Variants in RNF130 observed in about 807,000 individuals in gnomAD.
RNF130 encodes E3 ubiquitin-protein ligase RNF130.
In RNF130, 21 loss-of-function variants were observed where a neutral mutation model predicts 44.6. The ratio of observed to expected loss-of-function variants is 0.47; its 90% confidence interval spans 0.33 to 0.68. The LOEUF (loss-of-function observed/expected upper bound fraction) is 0.68. Ranked by LOEUF, RNF130 falls within the 30% of genes least tolerant of loss-of-function variation. The pLI, the probability that RNF130 is intolerant of heterozygous loss-of-function variation, is 0.02. For synonymous variants in RNF130, 214 were observed against 210.4 expected (o/e 1.02, Z -0.15); for missense variants, 479 against 560.6 (o/e 0.85, Z 1.47).
chr5:180,044,630 G>A (rs932485670), intron 1 of RNF130, among the ~76,000 whole-genome samples: 1 of 152,082 alleles, frequency 6.6e-6, no homozygotes, highest in African/African-American at 2.4e-5. Context: ...TCATGAGTTC[G>A]AGACCAGCCT....
chr5:180,061,518 G>C (rs931818010), intron 1 of RNF130, among the ~76,000 whole-genome samples: 2 of 152,180 alleles, frequency 1.3e-5, no homozygotes, highest in African/African-American at 2.4e-5. Context: ...ATTCCTACTG[G>C]AGGCTCAAGG....
At chr5:179,998,892 A>ATATATATATATATATATC in intron 3 of RNF130, among the ~76,000 whole-genome samples, 1 of 101,060 alleles carries the variant, frequency 9.9e-6, no homozygotes, top group Non-Finnish European at 2.1e-5. Context: ...TATGTTTTAT[A>ATATATATATATATATATC]TATCTGAGTG....
At chr5:179,963,035 G>A (rs1172789671) in intron 8 of RNF130, among the ~76,000 whole-genome samples, 2 of 152,230 alleles carry the variant, frequency 1.3e-5, no homozygotes, top group Non-Finnish European at 2.9e-5. Context: ...AGTACCCAAG[G>A]CACTGGTCCT....
intron 7 of RNF130, 99 bp downstream of exon 7, chr5:179,966,707 G>T: frequency 1.0e-6 from 1 of 990,840 alleles, no homozygotes; most frequent in Non-Finnish European, 1.5e-6. Flanking sequence ...GTTACAGTCT[G>T]TGTTGCAGGC....
intron 7 of RNF130, among the ~76,000 whole-genome samples, chr5:179,943,617 T>C (rs1761994503): frequency 1.3e-5 from 2 of 152,222 alleles, no homozygotes; most frequent in African/African-American, 2.4e-5. Flanking sequence ...TGTGTCATTA[T>C]TTCATACACA....
At chr5:180,040,699 C>A in intron 1 of RNF130, 52 bp from the exon 2 acceptor site, 1 of 1,524,682 alleles carries the variant, frequency 6.6e-7, no homozygotes, top group Non-Finnish European at 8.9e-7. Flanking sequence ...CTGACCAAGT[C>A]TTTATCAAAG....
At chr5:180,064,294 G>A (rs542485501) in intron 1 of RNF130, among the ~76,000 whole-genome samples, 15 of 152,138 alleles carry the variant, frequency 9.9e-5, no homozygotes, top group Admixed American at 3.9e-4. Context: ...AATAAAAATA[G>A]GGAGCAGATT....
At chr5:179,913,797 G>A (rs1761502877) in exon 8 of RNF130, 1 of 152,336 alleles carries the variant, frequency 6.6e-6, no homozygotes, top group African/African-American at 2.4e-5. Flanking sequence ...GCCTCAGGAG[G>A]CTAGTGTGAC....
chr5:180,024,841 A>C (rs1763951282), intron 2 of RNF130, among the ~76,000 whole-genome samples: 2 of 152,074 alleles, frequency 1.3e-5, no homozygotes, highest in South Asian at 4.1e-4. Flanking sequence ...CTTCCTCTAA[A>C]CGCTCCTCAA....
rs113440216 is a variant in RNF130, at chr5:179,967,096, C to T, written c.946-86G>A. On this transcript the variant is annotated intron_variant, in intron 6 of 8. Transcript: ENST00000521389. ...TAAAAAAGATTCTAAACTTTGACGC[C>T]CTGTTGCAAAGACCTTACCAGGTTC... is the stretch of plus-strand genomic sequence containing the variant. The T allele has an allele frequency of 7.8e-4, 1,006 of 1,281,848 alleles. 12 individuals are homozygous for T. In the African/African-American group the frequency reaches 0.013, roughly 16 times the overall value. The allele number at this position is 1,281,848 out of a possible 1,614,324, so 79.4% of individuals were successfully genotyped here.
intron 7 of RNF130, among the ~76,000 whole-genome samples, chr5:179,947,704 G>A (rs2113687014): frequency 6.6e-6 from 1 of 152,294 alleles, no homozygotes; most frequent in East Asian, 1.9e-4. Flanking sequence ...ATGCAGTTAA[G>A]CACTGTATGT....
intron 1 of RNF130, among the ~76,000 whole-genome samples, chr5:180,043,046 G>A (rs974386845): frequency 2.6e-5 from 4 of 152,208 alleles, no homozygotes; most frequent in Non-Finnish European, 5.9e-5. Context: ...GGCCAGGCGT[G>A]GTGGCACACA....
intron 5 of RNF130, among the ~76,000 whole-genome samples, chr5:179,974,422 C>T (rs183613695): frequency 4.6e-4 from 70 of 152,328 alleles, no homozygotes; most frequent in Non-Finnish European, 2.5e-4. Flanking sequence ...GAGAATCAGC[C>T]GTGATCACTG....
intron 2 of RNF130, among the ~76,000 whole-genome samples, chr5:180,031,928 T>C (rs1169569964): frequency 6.6e-6 from 1 of 152,272 alleles, no homozygotes; most frequent in Non-Finnish European, 1.5e-5. Flanking sequence ...CTGTATGACT[T>C]TTTAATTATG....
intron 1 of RNF130, among the ~76,000 whole-genome samples, chr5:180,045,313 C>T (rs1561705414): frequency 1.3e-5 from 2 of 152,152 alleles, no homozygotes; most frequent in African/African-American, 4.8e-5. Flanking sequence ...AGAAGGAAGC[C>T]GCGGACCCTC....
At chr5:179,996,866 TGGA>T (rs1763211238) in intron 3 of RNF130, among the ~76,000 whole-genome samples, 3 of 152,244 alleles carry the variant, frequency 2.0e-5, no homozygotes, top group Admixed American at 6.5e-5. Context: ...TTCAGTTTTC[TGGA>T]GGAGTATGAG....
chr5:179,998,363 T>G (rs572886052), intron 3 of RNF130, among the ~76,000 whole-genome samples: 9 of 152,382 alleles, frequency 5.9e-5, no homozygotes, highest in Admixed American at 4.6e-4. Flanking sequence ...GTTTGTAAAT[T>G]TCCATGTATT....
intron 8 of RNF130, among the ~76,000 whole-genome samples, chr5:179,961,724 G>T (rs1762334012): frequency 6.6e-6 from 1 of 152,202 alleles, no homozygotes; most frequent in Admixed American, 6.5e-5. Flanking sequence ...AGAGGTGGCT[G>T]TGGGTGAAAT....
intron 7 of RNF130, among the ~76,000 whole-genome samples, chr5:179,933,527 CT>C (rs765853991): frequency 0.012 from 1,691 of 142,160 alleles, 13 homozygotes; most frequent in Non-Finnish European, 0.017. Flanking sequence ...TAATTTAAAA[CT>C]TTTTTTTTTT....
Sources: gnomAD v4.1 joint callset for allele counts (sites outside exome capture counted in the v4.1 genomes callset) on GRCh38, gnomAD v4.1.1 for gene constraint, MANE v1.5 for transcripts, NCBI Gene and HGNC (gene_info 2026-07-23, HGNC 2026-07-21) for gene names.